The following CERKL variants were observed in gnomAD, a reference collection of about 807,000 sequenced individuals.
CERKL encodes the protein CERK like autophagy regulator.
In CERKL, 61 loss-of-function variants were observed where a neutral mutation model predicts 63.4. That is an observed-to-expected ratio of 0.96 (90% CI 0.78 to 1.19). The LOEUF is 1.19. CERKL is among the 50% of genes most tolerant of loss of function. The probability of loss-of-function intolerance (pLI) is 0.00; values close to 1 mark genes in which losing one functional copy is unlikely to be tolerated. For synonymous variants in CERKL, 250 were observed against 230.5 expected (o/e 1.08, Z -0.77); for missense variants, 675 against 655.5 (o/e 1.03, Z -0.33).
At chr2:181,637,648 G>T (rs572277754) in intron 1 of CERKL, among the ~76,000 whole-genome samples, 1 of 152,212 alleles carries the variant, frequency 6.6e-6, no homozygotes, top group African/African-American at 2.4e-5. Flanking sequence ...AGGAAGGAAG[G>T]AAAAGCATAG....
At position 181,538,056 on chromosome 2, in the gene CERKL, C is replaced by A. The variant is rs1559065470; in HGVS notation, c.*128G>T. 1.4e-6 allele frequency: 1 copy of A among 708,472 alleles called. No homozygotes were observed. The highest frequency in any genetic ancestry group is 2.6e-6 in the Non-Finnish European group (1 of 380,712). 43.9% of individuals were successfully genotyped at this position (708,472 alleles called of 1,614,324 possible). A position where few individuals can be genotyped will look rare whatever the true frequency, so the allele number is the denominator to read the frequency against. ...ACAGTTCATCCTGAAACCATTCCCC[C>A]ATCCACGGAAAAATTGTCTTCCATG... is the stretch of plus-strand genomic sequence containing the variant. On this transcript the variant is annotated 3_prime_UTR_variant, in exon 13 of 13. Coordinates refer to ENST00000410087, the MANE Select transcript of CERKL (RefSeq NM_201548.5).
intron 11 of CERKL, among the ~76,000 whole-genome samples, chr2:181,540,313 A>G (rs1360164435): frequency 6.6e-6 from 1 of 152,222 alleles, no homozygotes; most frequent in Admixed American, 6.5e-5. Context: ...TTGTAGAATT[A>G]TCTACATAAT....
chr2:181,616,074 AT>A (rs1262578137), intron 1 of CERKL, among the ~76,000 whole-genome samples: 2 of 152,096 alleles, frequency 1.3e-5, no homozygotes, highest in East Asian at 1.9e-4. Context: ...TCCAACTGCA[AT>A]TTTTTTCCAT....
intron 2 of CERKL, chr2:181,602,978 G>T (rs1194626557): frequency 1.9e-5 from 3 of 154,708 alleles, no homozygotes; most frequent in Non-Finnish European, 4.3e-5. Context: ...CTTATGAATT[G>T]CATTATATTT....
At chr2:181,634,897 T>C (rs896245058) in intron 1 of CERKL, among the ~76,000 whole-genome samples, 1 of 152,174 alleles carries the variant, frequency 6.6e-6, no homozygotes, top group African/African-American at 2.4e-5. Context: ...GCTGAGATCT[T>C]CTAGAATATT....
intron 2 of CERKL, among the ~76,000 whole-genome samples, chr2:181,588,359 T>C (rs188068079): frequency 1.3e-5 from 2 of 152,312 alleles, no homozygotes; most frequent in South Asian, 2.1e-4. Context: ...TATTTTTCTT[T>C]TGGTGGCTGG....
intron 1 of CERKL, among the ~76,000 whole-genome samples, chr2:181,640,895 C>A (rs746644479): frequency 6.6e-6 from 1 of 152,152 alleles, no homozygotes; most frequent in Non-Finnish European, 1.5e-5. Flanking sequence ...GGGAATAGTT[C>A]TGTGCCAGTT....
At chr2:181,616,795 A>T (rs1686216791) in intron 1 of CERKL, among the ~76,000 whole-genome samples, 1 of 152,174 alleles carries the variant, frequency 6.6e-6, no homozygotes, top group African/African-American at 2.4e-5. Flanking sequence ...CTAGATCTCT[A>T]CCATTAATAA....
At chr2:181,559,896 G>T (rs17305590) in intron 4 of CERKL, among the ~76,000 whole-genome samples, 60,235 of 151,784 alleles carry the variant, frequency 0.4, 12,743 homozygotes, top group African/African-American at 0.53. Context: ...GCAATCCAAG[G>T]CTACTCTGGT....
At chr2:181,609,614 G>A (rs893876641) in intron 1 of CERKL, among the ~76,000 whole-genome samples, 5 of 150,702 alleles carry the variant, frequency 3.3e-5, no homozygotes, top group Non-Finnish European at 7.4e-5. Flanking sequence ...GTTGAGGCAG[G>A]AGAATCCCTT....
chr2:181,594,698 A>AT, intron 2 of CERKL, among the ~76,000 whole-genome samples: 1 of 152,312 alleles, frequency 6.6e-6, no homozygotes, highest in South Asian at 2.1e-4. Flanking sequence ...CACCTAATGT[A>AT]TTTTTTTCAA....
chr2:181,590,012 T>A, intron 2 of CERKL, among the ~76,000 whole-genome samples: 1 of 150,186 alleles, frequency 6.7e-6, no homozygotes, highest in African/African-American at 2.5e-5. Flanking sequence ...TAGAGAGAGG[T>A]TTTTCCCATG....
intron 1 of CERKL, among the ~76,000 whole-genome samples, chr2:181,625,251 G>T (rs548689593): frequency 1.7e-4 from 26 of 152,190 alleles, no homozygotes; most frequent in African/African-American, 6.3e-4. Context: ...GACTGACCTT[G>T]ACGAGTAAGC....
At chr2:181,589,687 A>G (rs1421016882) in intron 2 of CERKL, among the ~76,000 whole-genome samples, 1 of 152,228 alleles carries the variant, frequency 6.6e-6, no homozygotes, top group Non-Finnish European at 1.5e-5. Context: ...CTAGAGATCT[A>G]AAATTCAACT....
chr2:181,572,120 G>A lies in CERKL; in HGVS notation c.613+1633C>T, dbSNP rs1436630406. 5.3e-5 allele frequency among the ~76,000 whole-genome samples: 8 copies of A among 151,444 alleles called. No homozygotes were observed. The East Asian group carries it at 5.9e-4, about 11-fold the overall frequency. ...TCACATACACACACTCTCTCTCTCCGCCCCCCCTCCCAACTTTTACAGTAC... is the reference window on the plus strand; with the variant it reads ...TCACATACACACACTCTCTCTCTCCACCCCCCCTCCCAACTTTTACAGTAC... On this transcript the variant is annotated intron_variant, in intron 3 of 12. Transcript: ENST00000410087.
rs869037405 is a variant in CERKL at position 181,609,533 on chromosome 2, T to TAAAAAAAAAAA, written c.239-5465_239-5455dup. 8.7e-3 allele frequency among the ~76,000 whole-genome samples: 607 copies of TAAAAAAAAAAA among 70,134 alleles called. 25 individuals are homozygous for TAAAAAAAAAAA. The highest frequency in any genetic ancestry group is 0.025 in the African/African-American group (525 of 21,030). 46.0% of individuals were successfully genotyped at this position (70,134 alleles called of 152,430 possible). ...CACCATGGTGAAACCCTGTCTCTACTAAAAAAAAAAAAAAAAAAAAAAATT... is the reference window on the plus strand; with the variant it reads ...CACCATGGTGAAACCCTGTCTCTACTAAAAAAAAAAAAAAAAAAAAAAAAAAAAAAAAAATT... On this transcript the variant is annotated intron_variant, in intron 1 of 12. Transcript: ENST00000410087.
At position 181,550,898 on chromosome 2, in the gene CERKL, C is replaced by CTG. The variant is rs1687955261; in HGVS notation, c.821-1192_821-1191dup. Among the ~76,000 whole-genome samples the CTG allele has an allele frequency of 6.6e-6, 1 of 152,162 alleles. No individual in the cohort carries two copies. Among genetic ancestry groups the CTG allele is most frequent in the African/African-American group, 2.4e-5 (1 of 41,446 alleles). On this transcript the variant is annotated intron_variant, in intron 5 of 12. Coordinates refer to ENST00000410087, the MANE Select transcript of CERKL (RefSeq NM_201548.5). The surrounding 1 kb of genome is among the most constrained non-coding windows in gnomAD (Gnocchi z 4.5). ...AAGTTTATTTTAACTAAATGGCAAACTGGTTCCAACTGATTCACCAAAAGG... is the reference window on the plus strand; with the variant it reads ...AAGTTTATTTTAACTAAATGGCAAACTGTGGTTCCAACTGATTCACCAAAAGG...
chr2:181,641,849 A>C (rs1218407594), intron 1 of CERKL, among the ~76,000 whole-genome samples: 1 of 152,188 alleles, frequency 6.6e-6, no homozygotes, highest in Admixed American at 6.5e-5. Context: ...AACTGTATTG[A>C]ACACTTCAGA....
intron 10 of CERKL, among the ~76,000 whole-genome samples, chr2:181,546,824 A>C (rs1411943397): frequency 6.6e-6 from 1 of 152,208 alleles, no homozygotes; most frequent in African/African-American, 2.4e-5. Context: ...ATGCACTACT[A>C]TTCACATTAA....
Sources: allele counts gnomAD v4.1 joint callset (sites outside exome capture counted in the v4.1 genomes callset), GRCh38; gene constraint gnomAD v4.1.1; non-coding constraint Gnocchi (gnomAD v3.1); transcripts MANE v1.5; gene names NCBI Gene and HGNC (gene_info 2026-07-23, HGNC 2026-07-21).